Variants in PLGRKT observed in about 807,000 individuals in gnomAD.
PLGRKT encodes the protein plasminogen receptor with a C-terminal lysine, also known as plasminogen receptor (KT).
Under a neutral mutation model 18.5 loss-of-function variants are expected in PLGRKT, and 22 were observed. The observed-to-expected ratio is 1.19, with a 90% CI of 0.85 to 1.70. PLGRKT has a LOEUF of 1.70. Ranked by LOEUF, PLGRKT falls within the 40% of genes most tolerant of loss-of-function variation. PLGRKT has a pLI of 0.00. For synonymous variants in PLGRKT, 72 were observed against 52.8 expected (o/e 1.36, Z -1.58); for missense variants, 235 against 174.4 (o/e 1.35, Z -1.96).
At chr9:5,398,135 A>T (rs974290688) in intron 3 of PLGRKT, among the ~76,000 whole-genome samples, 4 of 151,726 alleles carry the variant, frequency 2.6e-5, no homozygotes, top group African/African-American at 9.7e-5. Flanking sequence ...TCCAAGTGGG[A>T]GCTTCTCTTT....
chr9:5,430,217 C>T (rs1038269021), intron 3 of PLGRKT, among the ~76,000 whole-genome samples: 3 of 152,118 alleles, frequency 2.0e-5, no homozygotes, highest in East Asian at 1.9e-4. Flanking sequence ...TAGGCTAACA[C>T]GTTAGCTTGC....
chr9:5,418,548 G>T lies in PLGRKT; in HGVS notation c.81+13349C>A. ...CCTCCGCCACCCCCTGGGGAGCCCTGCCTTGCAGAGGCTGCTGTCCAGCAG... is the reference window on the plus strand; with the variant it reads ...CCTCCGCCACCCCCTGGGGAGCCCTTCCTTGCAGAGGCTGCTGTCCAGCAG... On this transcript the variant is annotated intron_variant, in intron 3 of 5. Transcript: ENST00000223864. The surrounding 1 kb of genome is among the most constrained non-coding windows in gnomAD (Gnocchi z 4.2). 1 of 845,102 alleles carries T rather than the reference G, an allele frequency of 1.2e-6. No homozygotes were observed. The highest frequency in any genetic ancestry group is 2.0e-6 in the Non-Finnish European group (1 of 489,690). 52.4% of individuals were successfully genotyped at this position (845,102 alleles called of 1,614,324 possible). A position where few individuals can be genotyped will look rare whatever the true frequency, so the allele number is the denominator to read the frequency against.
rs74950723 is a variant in PLGRKT at position 5,374,613 on chromosome 9, T to C, written c.82-12725A>G. 9.3e-3 allele frequency among the ~76,000 whole-genome samples: 1,415 copies of C among 152,324 alleles called. 24 individuals carry two copies. Among genetic ancestry groups the C allele is most frequent in the East Asian group, 0.033 (173 of 5,188 alleles). Reference sequence around the variant, plus strand: ...TTCAAATTCTAGTTCTATTATGTGATTGTGGGCAAGGTCCCCAAACTTCCT... The same window carrying C: ...TTCAAATTCTAGTTCTATTATGTGACTGTGGGCAAGGTCCCCAAACTTCCT... On this transcript the variant is annotated intron_variant, in intron 3 of 5. Transcript: ENST00000223864.
chr9:5,427,706 T>G (rs1408261316), intron 3 of PLGRKT, among the ~76,000 whole-genome samples: 1 of 152,208 alleles, frequency 6.6e-6, no homozygotes, highest in Non-Finnish European at 1.5e-5. Context: ...TACCGTTGTT[T>G]GCAAGTAGCA....
chr9:5,391,926 C>T (rs964357747), intron 3 of PLGRKT, among the ~76,000 whole-genome samples: 1 of 152,044 alleles, frequency 6.6e-6, no homozygotes, highest in South Asian at 2.1e-4. Flanking sequence ...GCATGTTCCT[C>T]TCAGTTGAAC....
rs577885440 is a variant in PLGRKT, at chr9:5,432,125, G to C, written c.-6-142C>G. ...ATCTAGGAACACAGTGTGGATTCTA[G>C]TTCTTGCTCCTAACTAGCTGCCTGA... On this transcript the variant is annotated intron_variant, in intron 2 of 5. Coordinates refer to ENST00000223864, the MANE Select transcript of PLGRKT (RefSeq NM_018465.4). 6.4e-5 allele frequency: 37 copies of C among 577,444 alleles called. 1 individual carries two copies. Among genetic ancestry groups the C allele is most frequent in the African/African-American group, 5.6e-4 (30 of 53,472 alleles). 35.8% of individuals were successfully genotyped at this position (577,444 alleles called of 1,614,324 possible). A position where few individuals can be genotyped will look rare whatever the true frequency, so the allele number is the denominator to read the frequency against.
At position 5,401,364 on chromosome 9, in the gene PLGRKT, G is replaced by C. The variant is rs112902922; in HGVS notation, c.81+30533C>G. On this transcript the variant is annotated intron_variant, in intron 3 of 5. Transcript: ENST00000223864. ...ATTAATTTGTTCACATTAAAACTTT[G>C]TCTAACACTATTTTGTTTTGCATGG... 2.7e-3 allele frequency among the ~76,000 whole-genome samples: 418 copies of C among 152,030 alleles called. 11 individuals carry two copies. The highest frequency in any genetic ancestry group is 9.5e-3 in the African/African-American group (392 of 41,334).
intron 1 of PLGRKT, among the ~76,000 whole-genome samples, chr9:5,437,368 A>G (rs1818980184): frequency 6.6e-6 from 1 of 152,204 alleles, no homozygotes; most frequent in African/African-American, 2.4e-5. Context: ...GTCATTTTCA[A>G]TATTTGCATC....
intron 3 of PLGRKT, among the ~76,000 whole-genome samples, chr9:5,373,950 G>T (rs1453788558): frequency 6.6e-6 from 1 of 152,148 alleles, no homozygotes; most frequent in Non-Finnish European, 1.5e-5. Flanking sequence ...TTTCCAGAGA[G>T]GGTCCCTCTT....
At chr9:5,429,608 T>G (rs1818775158) in intron 3 of PLGRKT, among the ~76,000 whole-genome samples, 1 of 152,212 alleles carries the variant, frequency 6.6e-6, no homozygotes, top group African/African-American at 2.4e-5. Flanking sequence ...ATGAATTGTA[T>G]GGTCTTGTAT....
intron 3 of PLGRKT, among the ~76,000 whole-genome samples, chr9:5,430,258 A>G (rs1818794969): frequency 6.6e-6 from 1 of 152,150 alleles, no homozygotes; most frequent in South Asian, 2.1e-4. Flanking sequence ...CCCTTCACAG[A>G]CCCTGACTTC....
At chr9:5,409,421 C>T (rs1047777200) in intron 3 of PLGRKT, among the ~76,000 whole-genome samples, 14 of 152,324 alleles carry the variant, frequency 9.2e-5, no homozygotes, top group African/African-American at 2.2e-4. Flanking sequence ...CCTTGAACAT[C>T]GGACTCCGAG....
At chr9:5,381,280 G>A (rs1361856503) in intron 3 of PLGRKT, among the ~76,000 whole-genome samples, 1 of 152,228 alleles carries the variant, frequency 6.6e-6, no homozygotes, top group African/African-American at 2.4e-5. Flanking sequence ...GAGCCTAGGA[G>A]GGAGAAATGG....
At chr9:5,393,666 A>G (rs1957781918) in intron 3 of PLGRKT, among the ~76,000 whole-genome samples, 1 of 151,894 alleles carries the variant, frequency 6.6e-6, no homozygotes. Flanking sequence ...TTTTGGAATC[A>G]GAAATTCTCT....
rs539570457 is a variant in PLGRKT at position 5,389,616 on chromosome 9, A to G, written c.82-27728T>C. 5.3e-5 allele frequency among the ~76,000 whole-genome samples: 8 copies of G among 151,984 alleles called. No individual in the cohort carries two copies. The South Asian group carries it at 1.0e-3, about 20-fold the overall frequency. On this transcript the variant is annotated intron_variant, in intron 3 of 5. Transcript: ENST00000223864. ...GAGTAACTGATCTAGGAAGACCCCA[A>G]TTGCTTAGTCCTAGACATGCTCATC...
rs190840924 is a variant in PLGRKT, at chr9:5,418,648, G to A, written c.81+13249C>T. On this transcript the variant is annotated intron_variant, in intron 3 of 5. Transcript: ENST00000223864. The surrounding 1 kb of genome is among the most constrained non-coding windows in gnomAD (Gnocchi z 4.2). ...GCGGCTCATATCTCCGGGCAGCAGC[G>A]CGTGCTCCTTGGAGATGGGCAGGGG... 5.9e-4 allele frequency: 408 copies of A among 690,022 alleles called. 3 individuals carry two copies. The highest frequency in any genetic ancestry group is 4.9e-3 in the African/African-American group (281 of 56,934). 42.7% of individuals were successfully genotyped at this position (690,022 alleles called of 1,614,324 possible).
chr9:5,418,650 G>T lies in PLGRKT; in HGVS notation c.81+13247C>A. 1.5e-6 allele frequency: 1 copy of T among 687,582 alleles called. No individual in the cohort carries two copies. Among genetic ancestry groups the T allele is most frequent in the Middle Eastern group, 2.5e-4 (1 of 4,028 alleles). The allele number at this position is 687,582 out of a possible 1,614,324, so 42.6% of individuals were successfully genotyped here. On this transcript the variant is annotated intron_variant, in intron 3 of 5. Coordinates refer to ENST00000223864, the MANE Select transcript of PLGRKT (RefSeq NM_018465.4). The surrounding 1 kb of genome is among the most constrained non-coding windows in gnomAD (Gnocchi z 4.2). ...GGCTCATATCTCCGGGCAGCAGCGCGTGCTCCTTGGAGATGGGCAGGGGCA... is the reference window on the plus strand; with the variant it reads ...GGCTCATATCTCCGGGCAGCAGCGCTTGCTCCTTGGAGATGGGCAGGGGCA...
chr9:5,416,801 G>A (rs1436584542), intron 3 of PLGRKT, among the ~76,000 whole-genome samples: 1 of 152,208 alleles, frequency 6.6e-6, no homozygotes, highest in Non-Finnish European at 1.5e-5. Context: ...CAGCTTGGTG[G>A]CTTGACCTTT....
At chr9:5,433,495 C>T (rs530464042) in intron 2 of PLGRKT, among the ~76,000 whole-genome samples, 4 of 150,436 alleles carry the variant, frequency 2.7e-5, no homozygotes, top group African/African-American at 9.8e-5. Context: ...TCTGCCTGAC[C>T]ACCCATCGTC....
Sources: allele counts gnomAD v4.1 joint callset (sites outside exome capture counted in the v4.1 genomes callset), GRCh38; gene constraint gnomAD v4.1.1; non-coding constraint Gnocchi (gnomAD v3.1); transcripts MANE v1.5; gene names NCBI Gene and HGNC (gene_info 2026-07-23, HGNC 2026-07-21).